The following GMDS variants were observed in gnomAD, a reference collection of about 807,000 sequenced individuals.
GMDS encodes the protein GDP-mannose 4,6 dehydratase.
GMDS carries 20 observed loss-of-function variants against 49.9 expected under a neutral mutation model. The ratio of observed to expected loss-of-function variants is 0.40; its 90% CI spans 0.28 to 0.58. GMDS has a LOEUF of 0.58. GMDS is among the 20% of genes least tolerant of loss of function. The pLI, the probability that GMDS is intolerant of heterozygous loss-of-function variation, is 0.42. For synonymous variants in GMDS, 177 were observed against 178.6 expected, an observed-to-expected ratio of 0.99 and a Z score of 0.07; for missense variants, 362 against 481.4, an observed-to-expected ratio of 0.75 and a Z score of 2.32.
intron 9 of GMDS, among the ~76,000 whole-genome samples, chr6:1,720,732 C>T (rs1432032807): frequency 6.6e-6 from 1 of 152,160 alleles, no homozygotes; most frequent in Non-Finnish European, 1.5e-5. Flanking sequence ...ATCCTCTGAC[C>T]CTGGCTCCCG....
At chr6:1,903,822 GTCC>G (rs1581333294) in intron 7 of GMDS, among the ~76,000 whole-genome samples, 1 of 152,102 alleles carries the variant, frequency 6.6e-6, no homozygotes, top group African/African-American at 2.4e-5. Context: ...ATGCCTTTCT[GTCC>G]TCCTCCATAT....
At chr6:1,827,738 C>A (rs1771190895) in intron 7 of GMDS, among the ~76,000 whole-genome samples, 1 of 152,108 alleles carries the variant, frequency 6.6e-6, no homozygotes, top group Non-Finnish European at 1.5e-5. Context: ...AAAGACCTCA[C>A]AAGATCTTAA....
intron 1 of GMDS, among the ~76,000 whole-genome samples, chr6:2,139,342 T>C (rs1776165933): frequency 6.6e-6 from 1 of 152,242 alleles, no homozygotes. Flanking sequence ...GAATAAATTA[T>C]TTGACACCAG....
intron 1 of GMDS, among the ~76,000 whole-genome samples, chr6:2,223,136 G>T (rs558237919): frequency 6.7e-5 from 10 of 148,622 alleles, no homozygotes; most frequent in East Asian, 2.0e-4. Context: ...TCAATAGCGC[G>T]CTCTCTCTCT....
intron 7 of GMDS, among the ~76,000 whole-genome samples, chr6:1,856,148 G>A (rs1757928596): frequency 6.6e-6 from 1 of 152,180 alleles, no homozygotes; most frequent in Non-Finnish European, 1.5e-5. Flanking sequence ...TTGGAATTAT[G>A]GCTGGTGAGG....
intron 1 of GMDS, among the ~76,000 whole-genome samples, chr6:2,239,362 T>C (rs1781509179): frequency 6.6e-6 from 1 of 151,852 alleles, no homozygotes; most frequent in African/African-American, 2.4e-5. Flanking sequence ...ATTGGCTTTA[T>C]GTCTAAAACT....
intron 1 of GMDS, among the ~76,000 whole-genome samples, chr6:2,199,559 G>T: frequency 6.6e-6 from 1 of 152,038 alleles, no homozygotes; most frequent in Admixed American, 6.6e-5. Flanking sequence ...CTGTGTTCTA[G>T]AATACAGCCT....
intron 1 of GMDS, among the ~76,000 whole-genome samples, chr6:2,200,017 T>A (rs940221312): frequency 2.6e-5 from 4 of 152,200 alleles, no homozygotes; most frequent in African/African-American, 9.7e-5. Flanking sequence ...ATATGAACAC[T>A]GTGATCTGGA....
chr6:2,021,071 T>C (rs1328481220), intron 4 of GMDS, among the ~76,000 whole-genome samples: 1 of 152,238 alleles, frequency 6.6e-6, no homozygotes, highest in Non-Finnish European at 1.5e-5. Context: ...TTGGCTTTAA[T>C]CAGGTGCAGA....
chr6:1,977,309 A>T (rs1450262278), intron 4 of GMDS, among the ~76,000 whole-genome samples: 1 of 152,254 alleles, frequency 6.6e-6, no homozygotes, highest in Non-Finnish European at 1.5e-5. Flanking sequence ...ACAGGCAAAT[A>T]AATGAGCCTC....
At chr6:1,819,354 T>C (rs1044217856) in intron 7 of GMDS, among the ~76,000 whole-genome samples, 1 of 152,244 alleles carries the variant, frequency 6.6e-6, no homozygotes, top group Non-Finnish European at 1.5e-5. Context: ...AATGTTTTTA[T>C]TCGACGGATT....
intron 1 of GMDS, among the ~76,000 whole-genome samples, chr6:2,209,151 T>C (rs1046996958): frequency 1.3e-5 from 2 of 152,220 alleles, no homozygotes; most frequent in Non-Finnish European, 2.9e-5. Flanking sequence ...TCTTATAACA[T>C]CTTTTGAGAT....
At chr6:1,683,806 G>A (rs1764877770) in intron 9 of GMDS, among the ~76,000 whole-genome samples, 1 of 152,194 alleles carries the variant, frequency 6.6e-6, no homozygotes, top group African/African-American at 2.4e-5. Context: ...TGACATTCAG[G>A]TAATCACACT....
In GMDS at chr6:1,698,314, G is replaced by A. The variant is rs114512755; in HGVS notation, c.987+28102C>T. On this transcript the variant is annotated intron_variant, in intron 9 of 10. Coordinates refer to ENST00000380815, the MANE Select transcript of GMDS (RefSeq NM_001500.4). The stretch of plus-strand genomic sequence containing the variant: ...GCTGGAGACAAGGCCTGGAATGGGT[G>A]TACAACACCTATGAGGTTGGAACCA... Among the ~76,000 whole-genome samples the A allele has an allele frequency of 7.4e-3, 1,134 of 152,324 alleles. 17 individuals are homozygous for A. Among genetic ancestry groups the A allele is most frequent in the African/African-American group, 0.026 (1,082 of 41,574 alleles).
At chr6:2,046,301 T>C (rs1581567382) in intron 4 of GMDS, among the ~76,000 whole-genome samples, 1 of 152,314 alleles carries the variant, frequency 6.6e-6, no homozygotes, top group East Asian at 1.9e-4. Flanking sequence ...GCTGACAGAT[T>C]TCTGAAAGCA....
chr6:1,899,020 C>A (rs1760364002), intron 7 of GMDS, among the ~76,000 whole-genome samples: 1 of 152,184 alleles, frequency 6.6e-6, no homozygotes. Flanking sequence ...CTTTCGCCTG[C>A]CTTATAAATG....
intron 3 of GMDS, 24 bp downstream of exon 3, chr6:2,117,445 T>G: frequency 3.8e-6 from 5 of 1,314,336 alleles, no homozygotes; most frequent in Non-Finnish European, 5.5e-6. Flanking sequence ...TAGAAAGAGA[T>G]TCTAGAAAAA....
intron 7 of GMDS, among the ~76,000 whole-genome samples, chr6:1,919,946 T>C (rs1434414354): frequency 1.3e-5 from 2 of 152,108 alleles, no homozygotes; most frequent in Non-Finnish European, 2.9e-5. Flanking sequence ...AGTCAACAGG[T>C]AGAAAACTGA....
At chr6:1,942,695 G>A (rs1762876597) in intron 6 of GMDS, among the ~76,000 whole-genome samples, 1 of 152,198 alleles carries the variant, frequency 6.6e-6, no homozygotes, top group Non-Finnish European at 1.5e-5. Flanking sequence ...AGATAAAAAG[G>A]GAGAATCCTG....
Sources: allele counts gnomAD v4.1 joint callset (sites outside exome capture counted in the v4.1 genomes callset), GRCh38; gene constraint gnomAD v4.1.1; transcripts MANE v1.5; gene names NCBI Gene and HGNC (gene_info 2026-07-23, HGNC 2026-07-21).